Variants in ATP13A2 observed in about 807,000 individuals in gnomAD.
ATP13A2 encodes the protein ATPase cation transporting 13A2.
ATP13A2 carries 83 observed loss-of-function variants against 138.3 expected under a neutral mutation model. The ratio of observed to expected loss-of-function variants is 0.60; its 90% CI spans 0.50 to 0.72. The LOEUF is 0.72. ATP13A2 is among the 30% of genes least tolerant of loss of function. The pLI is 0.00. For missense variants in ATP13A2, 1,402 were observed against 1,606.4 expected (o/e 0.87, Z 2.17); for synonymous variants, 663 against 699.0 (o/e 0.95, Z 0.81).
At chr1:16,998,572 G>GT (rs2077228786) in intron 11 of ATP13A2, among the ~76,000 whole-genome samples, 1 of 152,100 alleles carries the variant, frequency 6.6e-6, no homozygotes, top group African/African-American at 2.4e-5. Flanking sequence ...CTATCCTGTG[G>GT]TTTTTAGTAA....
chr1:16,994,172 C>A (rs2077033336), intron 15 of ATP13A2, among the ~76,000 whole-genome samples: 1 of 145,146 alleles, frequency 6.9e-6, no homozygotes. Context: ...GGACCCGGCC[C>A]ACGGTTGGCT....
Position 16,993,998 on chromosome 1 carries a change from A to T in ATP13A2, c.1543-163T>A, listed in dbSNP as rs567288096. 4.3e-4 allele frequency among the ~76,000 whole-genome samples: 66 copies of T among 152,004 alleles called. No individual in the cohort carries two copies. The South Asian group carries it at 0.013, about 30-fold the overall frequency. On this transcript the variant is annotated intron_variant, in intron 15 of 28. Coordinates refer to ENST00000326735, the MANE Select transcript of ATP13A2 (RefSeq NM_022089.4). ...TTGACTGCTGTCCTTGGCACATGTG[A>T]TTCCCTCTGCTGGGGTCCCCCTCCC...
intron 2 of ATP13A2, 39 bp downstream of exon 2, chr1:17,005,645 C>T (rs755745690): frequency 1.2e-6 from 2 of 1,612,814 alleles, no homozygotes; most frequent in Admixed American, 3.3e-5. Flanking sequence ...TGGGCATTCA[C>T]CCCCTGCAGC....
At chr1:16,994,654 C>T (rs2077054235) in intron 15 of ATP13A2, among the ~76,000 whole-genome samples, 1 of 151,832 alleles carries the variant, frequency 6.6e-6, no homozygotes, top group South Asian at 2.1e-4. Flanking sequence ...CTGGTCATCC[C>T]CCTCCCCGGT....
chr1:17,004,352 C>T lies in ATP13A2; in HGVS notation c.537G>A (p.Gln179=). ...CCTACCTGACCTGGTAGAAGGCTTG[C>T]TGGGTCTCGATCCAGATATAGCGCT... ...QGQRYIWIET[Q]QAFYQVSLLD... The change falls in exon 6 of 29, where the codon CAG becomes CAA. Residue 179 remains glutamine (Q), a synonymous_variant. Coordinates refer to ENST00000326735, the MANE Select transcript of ATP13A2 (RefSeq NM_022089.4). The surrounding 1 kb of genome is among the most constrained non-coding windows in gnomAD (Gnocchi z 4.1). 3 of 1,613,994 alleles carry T rather than the reference C, an allele frequency of 1.9e-6. No homozygotes were observed. Among genetic ancestry groups the T allele is most frequent in the Non-Finnish European group, 2.5e-6 (3 of 1,179,976 alleles).
At chr1:17,002,001 C>G in intron 8 of ATP13A2, 33 bp downstream of exon 8, 1 of 1,593,094 alleles carries the variant, frequency 6.3e-7, no homozygotes, top group Non-Finnish European at 8.6e-7. Flanking sequence ...GCACGCCAGG[C>G]AGGGCTGGGG....
intron 25 of ATP13A2, among the ~76,000 whole-genome samples, 186 bp from the exon 26 acceptor site, chr1:16,987,455 C>G (rs1347340218): frequency 1.3e-5 from 2 of 152,216 alleles, no homozygotes; most frequent in Admixed American, 1.3e-4. Flanking sequence ...GAGACAAACC[C>G]CTGGTCTGAT....
rs1339730105 is a variant in ATP13A2 at position 16,987,136 on chromosome 1, C to T, written c.2993G>A (p.Ser998Asn). 6.2e-7 allele frequency: 1 copy of T among 1,612,956 alleles called. No individual in the cohort carries two copies. Among genetic ancestry groups the T allele is most frequent in the African/African-American group, 1.3e-5 (1 of 74,916 alleles). ...GRVRPPGALL[S>N]VPVLSSLLLQ... is the part of the protein sequence containing the mutation. ...CAGCAGGCTGCTGAGCACGGGCACG[C>T]TGAGCAGCGCCCCCGGTGGCCGCAC... Residue 998 changes from serine to asparagine, a missense_variant, in exon 26 of 29, where the codon AGC becomes AAC. Coordinates refer to ENST00000326735, the MANE Select transcript of ATP13A2 (RefSeq NM_022089.4).
intron 23 of ATP13A2, among the ~76,000 whole-genome samples, chr1:16,989,341 AGCTGG>A (rs201884089): frequency 0.017 from 2,606 of 152,288 alleles, 36 homozygotes; most frequent in South Asian, 0.057. Context: ...CCTCTTGAGT[AGCTGG>A]GATGACCGGT....
chr1:16,989,766 A>T lies in ATP13A2; in HGVS notation c.2534T>A (p.Leu845Gln). Residue 845 changes from leucine to glutamine, a missense_variant, in exon 23 of 29, where the codon CTG becomes CAG. Physicochemically the swap from Leu to Gln is moderately radical, Grantham distance 113. Transcript: ENST00000326735. ...GCGGGCAAAGACAGTGCCCTGGACC[A>T]GGACCTGGGAGCACAGGGAGATGGG... Reference protein sequence around the residue: ...KHFPKLLPKVLVQGTVFARMA... With the variant: ...KHFPKLLPKVQVQGTVFARMA... 6.2e-7 allele frequency: 1 copy of T among 1,614,058 alleles called. No individual in the cohort carries two copies. The highest frequency in any genetic ancestry group is 1.1e-5 in the South Asian group (1 of 91,092).
chr1:17,000,194 G>GTC, intron 10 of ATP13A2, 52 bp from the exon 11 acceptor site: 15 of 1,570,252 alleles, frequency 9.6e-6, no homozygotes, highest in South Asian at 1.1e-5. Flanking sequence ...CCCCAGCCAT[G>GTC]CCCCCCCACC....
intron 3 of ATP13A2, 104 bp downstream of exon 3, chr1:17,005,270 T>C: frequency 6.7e-7 from 1 of 1,498,874 alleles, no homozygotes; most frequent in African/African-American, 1.4e-5. Flanking sequence ...ACCTGCCTAA[T>C]GTCCCATGGA....
chr1:17,010,091 C>G (rs549260915), intron 1 of ATP13A2, among the ~76,000 whole-genome samples: 13 of 148,420 alleles, frequency 8.8e-5, no homozygotes, highest in East Asian at 2.0e-4. Flanking sequence ...CTTCCCCCCC[C>G]GTTCCCCCCT....
At position 16,986,674 on chromosome 1, in the gene ATP13A2, C is replaced by G. The variant is rs957202477; in HGVS notation, c.3236-42G>C. ...CTCTCAGGCAGGAGCCACGCCCCCC[C>G]GGCACCCACAGACACACGTGTGCAC... On this transcript the variant is annotated intron_variant, in intron 27 of 28. Coordinates refer to ENST00000326735, the MANE Select transcript of ATP13A2 (RefSeq NM_022089.4). The surrounding 1 kb of genome is among the most constrained non-coding windows in gnomAD (Gnocchi z 6.9). 4 of 1,578,352 alleles carry G rather than the reference C, an allele frequency of 2.5e-6. No individual in the cohort carries two copies. Among genetic ancestry groups the G allele is most frequent in the Non-Finnish European group, 3.4e-6 (4 of 1,166,724 alleles).
chr1:16,999,405 A>AT (rs1557700456), intron 11 of ATP13A2, among the ~76,000 whole-genome samples: 2 of 126,036 alleles, frequency 1.6e-5, no homozygotes, highest in Admixed American at 9.3e-5. Context: ...AAAAAAAAAA[A>AT]GGAGAAATAG....
At chr1:16,997,397 C>T (rs2077169737) in intron 11 of ATP13A2, among the ~76,000 whole-genome samples, 1 of 131,018 alleles carries the variant, frequency 7.6e-6, no homozygotes, top group Non-Finnish European at 1.6e-5. Context: ...AGGTGGCAGC[C>T]AGCTCCCTGG....
rs1029933436 is a variant in ATP13A2 at position 17,011,055 on chromosome 1, T to C, written c.10+674A>G. On this transcript the variant is annotated intron_variant, in intron 1 of 28. Coordinates refer to ENST00000326735, the MANE Select transcript of ATP13A2 (RefSeq NM_022089.4). The surrounding 1 kb of genome is among the most constrained non-coding windows in gnomAD (Gnocchi z 7.3). ...GGGCTGGGGGCTGAGTGACAGACACTGAGATGAGACCTTTCTGGATAGGGG... is the reference window on the plus strand; with the variant it reads ...GGGCTGGGGGCTGAGTGACAGACACCGAGATGAGACCTTTCTGGATAGGGG... Among the ~76,000 whole-genome samples, 1 of 152,006 alleles carries C rather than the reference T, an allele frequency of 6.6e-6. No individual in the cohort carries two copies. Among genetic ancestry groups the C allele is most frequent in the African/African-American group, 2.4e-5 (1 of 41,380 alleles).
intron 8 of ATP13A2, among the ~76,000 whole-genome samples, chr1:17,001,359 T>G (rs1195885482): frequency 1.4e-5 from 2 of 145,606 alleles, no homozygotes; most frequent in African/African-American, 5.1e-5. Context: ...ACCCAGGAGG[T>G]GGACATCGCA....
chr1:16,990,311 G>A (rs765500602), intron 20 of ATP13A2, 24 bp from the exon 21 acceptor site: 5 of 1,613,360 alleles, frequency 3.1e-6, no homozygotes, highest in Non-Finnish European at 4.2e-6. Flanking sequence ...GGCAAGGTGA[G>A]GGTCTGAGGC....
Sources: allele counts gnomAD v4.1 joint callset (sites outside exome capture counted in the v4.1 genomes callset), GRCh38; gene constraint gnomAD v4.1.1; non-coding constraint Gnocchi (gnomAD v3.1); transcripts MANE v1.5; gene names NCBI Gene and HGNC (gene_info 2026-07-23, HGNC 2026-07-21).